The following FAM169A variants were observed in gnomAD, a reference collection of about 807,000 sequenced individuals.
FAM169A encodes the protein family with sequence similarity 169 member A, also known as soluble lamin-associated protein of 75 kDa.
FAM169A carries 24 observed loss-of-function variants against 75.7 expected under a neutral mutation model. The ratio of observed to expected loss-of-function variants is 0.32; its 90% CI spans 0.23 to 0.45. The LOEUF (loss-of-function observed/expected upper bound fraction) is 0.45, where lower values mean the gene tolerates loss of function less well. FAM169A is among the 20% of genes least tolerant of loss of function. The pLI is 1.00. For missense variants in FAM169A, 673 were observed against 784.0 expected (o/e 0.86, Z 1.69); for synonymous variants, 271 against 271.0 (o/e 1.00, Z 0.00).
chr5:74,852,665 T>C (rs116039871), intron 1 of FAM169A, among the ~76,000 whole-genome samples: 29 of 143,746 alleles, frequency 2.0e-4, no homozygotes, highest in African/African-American at 4.9e-4. Flanking sequence ...GAACGGCAAG[T>C]AGTTGGATTT....
chr5:74,809,545 G>A (rs890652883), intron 6 of FAM169A, among the ~76,000 whole-genome samples: 7 of 152,210 alleles, frequency 4.6e-5, no homozygotes, highest in Admixed American at 3.9e-4. Flanking sequence ...GCAGTGAGCC[G>A]AGATTGTGCC....
chr5:74,847,955 C>A (rs569688906), intron 1 of FAM169A, among the ~76,000 whole-genome samples: 1 of 152,116 alleles, frequency 6.6e-6, no homozygotes, highest in East Asian at 1.9e-4. Context: ...AGGGGAGAAA[C>A]CCCTTAGTTA....
intron 6 of FAM169A, among the ~76,000 whole-genome samples, chr5:74,811,035 T>C (rs1185141370): frequency 1.4e-5 from 2 of 147,820 alleles, no homozygotes. Flanking sequence ...CAGGTTGAAG[T>C]GCAGTGGCAC....
chr5:74,804,538 G>C lies in FAM169A; in HGVS notation c.867C>G (p.Tyr289Ter). 6.2e-7 allele frequency: 1 copy of C among 1,611,218 alleles called. No individual in the cohort carries two copies. The change falls in exon 8 of 13, where the codon TAC (tyrosine) becomes TAG (stop). Residue 289 changes from tyrosine (Y) to a stop codon, truncating the protein, a stop_gained. Coordinates refer to ENST00000687041, the MANE Select transcript of FAM169A (RefSeq NM_001376049.1). LOFTEE classifies it high-confidence loss of function. The stretch of plus-strand genomic sequence containing the variant: ...ACTGATTGTCTTCAGTTCTTGCTTC[G>C]TATTCTGGAACAGATGCAGGACCAT... ...GEYGPASVPE[Y>*]EARTEDNQSS... is the part of the protein sequence containing the mutation.
intron 4 of FAM169A, 148 bp from the exon 5 acceptor site, chr5:74,834,745 C>T (rs1409688861): frequency 1.4e-5 from 7 of 491,990 alleles, no homozygotes; most frequent in Non-Finnish European, 2.4e-5. Flanking sequence ...CATTTTATTA[C>T]CACAGAGATG....
chr5:74,794,393 C>CA (rs993224219), intron 11 of FAM169A, among the ~76,000 whole-genome samples: 3,535 of 111,632 alleles, frequency 0.032, 133 homozygotes, highest in African/African-American at 0.11. Context: ...GACTCCGTCT[C>CA]AAAAAAAAAA....
In FAM169A at chr5:74,806,351, T is replaced by A. The variant is rs939221409; in HGVS notation, c.671-1067A>T. Among the ~76,000 whole-genome samples the A allele has an allele frequency of 3.3e-5, 5 of 152,214 alleles. No individual in the cohort carries two copies. In the South Asian group the frequency reaches 1.0e-3, roughly 32 times the overall value. The stretch of plus-strand genomic sequence containing the variant: ...AATGGTGCTGAAATAAAAATCCATA[T>A]AAAAAAGCAATAAAGTCAGATCCTG... On this transcript the variant is annotated intron_variant, in intron 6 of 12. Transcript: ENST00000687041.
intron 5 of FAM169A, among the ~76,000 whole-genome samples, chr5:74,829,700 G>T (rs552801351): frequency 2.0e-5 from 3 of 152,094 alleles, no homozygotes; most frequent in African/African-American, 7.2e-5. Context: ...CCCGACAGGC[G>T]TGGTGACTCA....
Position 74,845,526 on chromosome 5 carries a change from CAAAT to C in FAM169A, c.-3-3851_-3-3848del, listed in dbSNP as rs1053443974. ...GAGCGAGACTCTGTCTCAAAAAATA[CAAAT>C]AAATAAATAAATAAAACTTGATGTA... On this transcript the variant is annotated intron_variant, in intron 1 of 12. Transcript: ENST00000687041. 9.9e-5 allele frequency among the ~76,000 whole-genome samples: 15 copies of C among 152,042 alleles called. No homozygotes were observed. In the East Asian group the frequency reaches 1.9e-3, roughly 20 times the overall value.
chr5:74,857,387 CA>C (rs1451402667), intron 1 of FAM169A, among the ~76,000 whole-genome samples: 1 of 151,236 alleles, frequency 6.6e-6, no homozygotes, highest in East Asian at 2.0e-4. Context: ...CCCGTCTCTA[CA>C]AAAAATACAA....
At chr5:74,795,784 C>T (rs62366418) in intron 11 of FAM169A, among the ~76,000 whole-genome samples, 12,914 of 152,170 alleles carry the variant, frequency 0.085, 668 homozygotes, top group Admixed American at 0.16. Context: ...TACTAAACAT[C>T]TCTATTTTAT....
rs1429903399 is a variant in FAM169A, at chr5:74,781,026, T to G, written c.*434A>C. The G allele has an allele frequency of 6.5e-6, 1 of 154,110 alleles. No individual in the cohort carries two copies. Among genetic ancestry groups the G allele is most frequent in the Non-Finnish European group, 1.4e-5 (1 of 69,444 alleles). 9.5% of individuals were successfully genotyped at this position (154,110 alleles called of 1,614,324 possible). On this transcript the variant is annotated 3_prime_UTR_variant, in exon 13 of 13. Transcript: ENST00000687041. The stretch of plus-strand genomic sequence containing the variant: ...TAGGCATGCCTACATTTTAAAAAAT[T>G]GGTGATTAGTTTTGAAATTTAAAAC...
intron 11 of FAM169A, among the ~76,000 whole-genome samples, chr5:74,789,057 C>T (rs1040201239): frequency 4.6e-5 from 7 of 152,226 alleles, no homozygotes; most frequent in African/African-American, 1.7e-4. Flanking sequence ...TTGCGTTCGG[C>T]TGGCAAGGCC....
chr5:74,784,883 C>T (rs1409597866), intron 11 of FAM169A, among the ~76,000 whole-genome samples: 1 of 138,532 alleles, frequency 7.2e-6, no homozygotes, highest in Non-Finnish European at 1.5e-5. Flanking sequence ...CGCGCCACTG[C>T]ACTCCAGCCT....
intron 10 of FAM169A, chr5:74,799,295 T>C (rs1746441384): frequency 2.5e-6 from 4 of 1,574,992 alleles, no homozygotes; most frequent in East Asian, 2.2e-5. Flanking sequence ...ACAGCTACTT[T>C]TGTGAAGTGG....
intron 5 of FAM169A, among the ~76,000 whole-genome samples, chr5:74,829,958 AGAGT>A (rs1298359497): frequency 6.6e-6 from 1 of 152,196 alleles, no homozygotes; most frequent in Non-Finnish European, 1.5e-5. Context: ...GCCTGGTGAC[AGAGT>A]GAGACTCCAT....
intron 1 of FAM169A, among the ~76,000 whole-genome samples, chr5:74,858,344 C>A (rs1332966702): frequency 6.6e-6 from 1 of 152,066 alleles, no homozygotes; most frequent in South Asian, 2.1e-4. Context: ...GCCCAGATCA[C>A]GCCACTGCAC....
intron 1 of FAM169A, among the ~76,000 whole-genome samples, chr5:74,857,108 C>CA (rs772315121): frequency 0.25 from 17,113 of 67,774 alleles, 2,067 homozygotes; most frequent in East Asian, 0.4. Flanking sequence ...GACTCCACCT[C>CA]AAAAAAAAAA....
intron 1 of FAM169A, among the ~76,000 whole-genome samples, chr5:74,864,697 T>C (rs1580184846): frequency 1.3e-5 from 2 of 152,318 alleles, no homozygotes. Flanking sequence ...TATTTCTAAG[T>C]TCCCCAAACA....
Sources: allele counts gnomAD v4.1 joint callset (sites outside exome capture counted in the v4.1 genomes callset), GRCh38; gene constraint gnomAD v4.1.1; transcripts MANE v1.5; gene names NCBI Gene and HGNC (gene_info 2026-07-23, HGNC 2026-07-21).